PPP2R1A: variants seen among roughly 807,000 people sequenced by gnomAD.
PPP2R1A encodes the protein protein phosphatase 2 scaffold subunit Aalpha.
Under a neutral mutation model 67.1 loss-of-function variants are expected in PPP2R1A, and 15 were observed. The ratio of observed to expected loss-of-function variants is 0.22; its 90% CI spans 0.15 to 0.34. The LOEUF is 0.34. PPP2R1A is among the 10% of genes least tolerant of loss of function. The pLI is 1.00. For missense variants in PPP2R1A, 369 were observed against 775.0 expected, an observed-to-expected ratio of 0.48 and a Z score of 6.22; for synonymous variants, 337 against 325.0, an observed-to-expected ratio of 1.04 and a Z score of -0.40.
At chr19:52,194,607 T>G in intron 1 of PPP2R1A, among the ~76,000 whole-genome samples, 1 of 151,320 alleles carries the variant, frequency 6.6e-6, no homozygotes, top group Non-Finnish European at 1.5e-5. Context: ...CAGGACATGT[T>G]GAGGGGGGCT....
rs560890700 is a variant in PPP2R1A, at chr19:52,227,890, T to G, written c.*1909T>G. The G allele has an allele frequency of 2.6e-5, 4 of 152,282 alleles. No homozygotes were observed. In the East Asian group the frequency reaches 7.7e-4, roughly 29 times the overall value. The allele number at this position is 152,282 out of a possible 1,614,324, so 9.4% of individuals were successfully genotyped here. On this transcript the variant is annotated 3_prime_UTR_variant, in exon 15 of 15. Coordinates refer to ENST00000322088, the MANE Select transcript of PPP2R1A (RefSeq NM_014225.6). ...CTGGTCCATTGTAACAAGAGTGCAG[T>G]GGACCAGCAGCCTTTGCATTCTCAG...
At chr19:52,206,095 C>G in intron 3 of PPP2R1A, 32 bp downstream of exon 3, 1 of 1,592,856 alleles carries the variant, frequency 6.3e-7, no homozygotes, top group Non-Finnish European at 8.6e-7. Context: ...CTCTTGCCCA[C>G]CCCTTAGGGT....
chr19:52,205,390 C>T (rs986834273), intron 2 of PPP2R1A, among the ~76,000 whole-genome samples: 1 of 152,120 alleles, frequency 6.6e-6, no homozygotes, highest in Non-Finnish European at 1.5e-5. Context: ...AGAGAGGAGC[C>T]AGTCCTGGGC....
intron 1 of PPP2R1A, among the ~76,000 whole-genome samples, chr19:52,192,215 C>G (rs538348105): frequency 6.6e-6 from 1 of 151,908 alleles, no homozygotes; most frequent in Admixed American, 6.6e-5. Context: ...AGGCAAGGCC[C>G]CTCTGAGGAT....
Position 52,227,899 on chromosome 19 carries a change from A to G in PPP2R1A, c.*1918A>G, listed in dbSNP as rs913395655. ...TGTAACAAGAGTGCAGTGGACCAGCAGCCTTTGCATTCTCAGGAGCTTGTT... is the reference window on the plus strand; with the variant it reads ...TGTAACAAGAGTGCAGTGGACCAGCGGCCTTTGCATTCTCAGGAGCTTGTT... On this transcript the variant is annotated 3_prime_UTR_variant, in exon 15 of 15. Coordinates refer to ENST00000322088, the MANE Select transcript of PPP2R1A (RefSeq NM_014225.6). The G allele has an allele frequency of 1.1e-4, 17 of 152,214 alleles. No homozygotes were observed. Among genetic ancestry groups the G allele is most frequent in the Non-Finnish European group, 1.9e-4 (13 of 68,042 alleles). The allele number at this position is 152,214 out of a possible 1,614,324, so 9.4% of individuals were successfully genotyped here.
At chr19:52,206,706 C>T (rs1026552780) in intron 3 of PPP2R1A, among the ~76,000 whole-genome samples, 6 of 152,122 alleles carry the variant, frequency 3.9e-5, no homozygotes, top group East Asian at 1.9e-4. Context: ...CTGTGTGTCC[C>T]GTGCTAGGTG....
chr19:52,201,866 C>G, intron 1 of PPP2R1A, 78 bp from the exon 2 acceptor site: 1 of 1,367,848 alleles, frequency 7.3e-7, no homozygotes, highest in Non-Finnish European at 1.0e-6. Flanking sequence ...CAGGGGCTGA[C>G]TGGGTTGAGA....
At chr19:52,209,003 C>T (rs990475519) in intron 3 of PPP2R1A, among the ~76,000 whole-genome samples, 2 of 152,162 alleles carry the variant, frequency 1.3e-5, no homozygotes, top group African/African-American at 4.8e-5. Flanking sequence ...GCATCAATTG[C>T]AGTTTCTTAA....
chr19:52,227,221 T>A lies in PPP2R1A; in HGVS notation c.*1240T>A, dbSNP rs1399665897. 1 of 152,158 alleles carries A rather than the reference T, an allele frequency of 6.6e-6. No individual in the cohort carries two copies. Among genetic ancestry groups the A allele is most frequent in the Non-Finnish European group, 1.5e-5 (1 of 68,030 alleles). 9.4% of individuals were successfully genotyped at this position (152,158 alleles called of 1,614,324 possible). A position where few individuals can be genotyped will look rare whatever the true frequency, so the allele number is the denominator to read the frequency against. ...ATATGCAGCTTCTAGGAAGTGTTCT[T>A]AAGGGGGAAGGCGTCATCCCCCACC... On this transcript the variant is annotated 3_prime_UTR_variant, in exon 15 of 15. Coordinates refer to ENST00000322088, the MANE Select transcript of PPP2R1A (RefSeq NM_014225.6).
In PPP2R1A at chr19:52,211,510, TG is replaced by T; in HGVS notation, c.503+20del. The T allele has an allele frequency of 1.3e-6, 2 of 1,593,200 alleles. No individual in the cohort carries two copies. Reference sequence around the variant, plus strand: ...CTTCGACAGTGAGTCTCTGCCTCCTTGGAAGCTCCAAGCTCCCATCTCAGCT... The same window carrying T: ...CTTCGACAGTGAGTCTCTGCCTCCTTGAAGCTCCAAGCTCCCATCTCAGCT... On this transcript the variant is annotated intron_variant, in intron 4 of 14. Coordinates refer to ENST00000322088, the MANE Select transcript of PPP2R1A (RefSeq NM_014225.6). This position sits in a 1 kb window ranked among gnomAD's most constrained non-coding sequence, Gnocchi z 5.3.
intron 2 of PPP2R1A, among the ~76,000 whole-genome samples, chr19:52,204,821 C>T (rs1051235453): frequency 1.1e-4 from 17 of 152,126 alleles, no homozygotes; most frequent in African/African-American, 3.9e-4. Context: ...GTGCTGAGCT[C>T]TTCAATGAAA....
In PPP2R1A at chr19:52,225,163, G is replaced by A. The variant is rs112350030; in HGVS notation, c.1662-554G>A. Among the ~76,000 whole-genome samples, 934 of 151,670 alleles carry A rather than the reference G, an allele frequency of 6.2e-3. 10 individuals are homozygous for A. Among genetic ancestry groups the A allele is most frequent in the African/African-American group, 0.021 (871 of 41,318 alleles). On this transcript the variant is annotated intron_variant, in intron 13 of 14. Coordinates refer to ENST00000322088, the MANE Select transcript of PPP2R1A (RefSeq NM_014225.6). ...CTCCCAAGTAGCTGGGATCACAGGC[G>A]TGCACCACCACGCCCTGCTAATTTT... is the stretch of plus-strand genomic sequence containing the variant.
rs1978565687 is a variant in PPP2R1A at position 52,216,250 on chromosome 19, A to G, written c.993+176A>G. On this transcript the variant is annotated intron_variant, in intron 8 of 14. Transcript: ENST00000322088. The surrounding 1 kb of genome is among the most constrained non-coding windows in gnomAD (Gnocchi z 4.3). ...TGACTGCAGCTTGAGGCTGACCTTA[A>G]AGGTGGAAGTACTTTCTAGAACCTC... 6.6e-6 allele frequency among the ~76,000 whole-genome samples: 1 copy of G among 152,072 alleles called. No homozygotes were observed. Among genetic ancestry groups the G allele is most frequent in the Non-Finnish European group, 1.5e-5 (1 of 68,018 alleles).
Position 52,226,062 on chromosome 19 carries a change from G to A in PPP2R1A, c.*81G>A. The A allele has an allele frequency of 6.2e-7, 1 of 1,601,422 alleles. No homozygotes were observed. Among genetic ancestry groups the A allele is most frequent in the Admixed American group, 1.7e-5 (1 of 59,936 alleles). ...TCCCTCTTTGGGGAGACACTGGGGG[G>A]CCTTTGGCTGTCACTCCCTGTGCAT... On this transcript the variant is annotated 3_prime_UTR_variant, in exon 15 of 15. Transcript: ENST00000322088.
chr19:52,221,724 T>C (rs1317901579), intron 12 of PPP2R1A, among the ~76,000 whole-genome samples: 1 of 151,954 alleles, frequency 6.6e-6, no homozygotes, highest in Non-Finnish European at 1.5e-5. Context: ...AATTATCTCA[T>C]GTACTACTTA....
intron 1 of PPP2R1A, among the ~76,000 whole-genome samples, chr19:52,196,757 C>T (rs1347985194): frequency 2.0e-5 from 3 of 152,190 alleles, no homozygotes; most frequent in Non-Finnish European, 4.4e-5. Context: ...GTCCCAGGCT[C>T]TTACCATTAT....
In PPP2R1A at chr19:52,211,956, G is replaced by A. The variant is rs913070494; in HGVS notation, c.503+464G>A. 6.6e-6 allele frequency among the ~76,000 whole-genome samples: 1 copy of A among 152,194 alleles called. No individual in the cohort carries two copies. Among genetic ancestry groups the A allele is most frequent in the African/African-American group, 2.4e-5 (1 of 41,428 alleles). ...CCGGGTTTGAGCCTGACTCACTCCA[G>A]AACTCTGGTTTATGGCTGTACACTT... is the stretch of plus-strand genomic sequence containing the variant. On this transcript the variant is annotated intron_variant, in intron 4 of 14. Coordinates refer to ENST00000322088, the MANE Select transcript of PPP2R1A (RefSeq NM_014225.6). The surrounding 1 kb of genome is among the most constrained non-coding windows in gnomAD (Gnocchi z 5.3).
In PPP2R1A at chr19:52,226,587, G is replaced by A. The variant is rs1268126825; in HGVS notation, c.*606G>A. 1.6e-5 allele frequency: 3 copies of A among 191,874 alleles called. No homozygotes were observed. Among genetic ancestry groups the A allele is most frequent in the Non-Finnish European group, 3.3e-5 (3 of 91,848 alleles). 11.9% of individuals were successfully genotyped at this position (191,874 alleles called of 1,614,324 possible). On this transcript the variant is annotated 3_prime_UTR_variant, in exon 15 of 15. Coordinates refer to ENST00000322088, the MANE Select transcript of PPP2R1A (RefSeq NM_014225.6). Reference sequence around the variant, plus strand: ...AGGAGTGCTGCTGGCCTTTGGGGTAGAGGGTCCATGAGGTGCTCTGGGTGG... The same window carrying A: ...AGGAGTGCTGCTGGCCTTTGGGGTAAAGGGTCCATGAGGTGCTCTGGGTGG...
chr19:52,222,077 C>G (rs1245673277), intron 12 of PPP2R1A, 22 bp from the exon 13 acceptor site: 2 of 1,590,182 alleles, frequency 1.3e-6, no homozygotes, highest in African/African-American at 2.7e-5. Context: ...CATACTCACC[C>G]CTGCCACTCA....
Sources: gnomAD v4.1 joint callset for allele counts (sites outside exome capture counted in the v4.1 genomes callset) on GRCh38, gnomAD v4.1.1 for gene constraint, Gnocchi (gnomAD v3.1) non-coding constraint, MANE v1.5 for transcripts, NCBI Gene and HGNC (gene_info 2026-07-23, HGNC 2026-07-21) for gene names.